Variants in PRKAG2 observed in about 807,000 individuals in gnomAD.
PRKAG2 encodes protein kinase AMP-activated non-catalytic subunit gamma 2, also known as 5'-AMP-activated protein kinase subunit gamma-2.
PRKAG2 carries 26 observed loss-of-function variants against 69.6 expected under a neutral mutation model. The observed-to-expected ratio is 0.37, with a 90% CI of 0.27 to 0.52. PRKAG2 has a LOEUF of 0.52. Among genes scored for constraint, PRKAG2 ranks in the 20% least tolerant of loss-of-function variants. The pLI is 0.90. For missense variants in PRKAG2, 557 were observed against 740.0 expected, an observed-to-expected ratio of 0.75 and a Z score of 2.87; for synonymous variants, 293 against 285.0, an observed-to-expected ratio of 1.03 and a Z score of -0.28.
intron 3 of PRKAG2, among the ~76,000 whole-genome samples, chr7:151,695,151 G>T (rs541812756): frequency 1.3e-5 from 2 of 152,328 alleles, no homozygotes; most frequent in East Asian, 3.9e-4. Flanking sequence ...AGGGGGGTTG[G>T]GGGTGTGTCT....
intron 4 of PRKAG2, among the ~76,000 whole-genome samples, chr7:151,635,516 A>T (rs1283128284): frequency 6.6e-6 from 1 of 152,222 alleles, no homozygotes; most frequent in African/African-American, 2.4e-5. Context: ...AGAAAAAGGA[A>T]GGAACTACTG....
chr7:151,795,872 T>TACAC (rs2077491676), intron 1 of PRKAG2, among the ~76,000 whole-genome samples: 1 of 114,628 alleles, frequency 8.7e-6, no homozygotes, highest in East Asian at 3.2e-4. Context: ...TATATATATA[T>TACAC]ATATATATAT....
chr7:151,712,452 C>T (rs565326578), intron 3 of PRKAG2, among the ~76,000 whole-genome samples: 1 of 152,340 alleles, frequency 6.6e-6, no homozygotes, highest in East Asian at 1.9e-4. Flanking sequence ...CAGGGACAGC[C>T]CTGCAGGGGC....
intron 4 of PRKAG2, among the ~76,000 whole-genome samples, chr7:151,672,083 CCA>C (rs1418804126): frequency 6.6e-6 from 1 of 150,744 alleles, no homozygotes; most frequent in Non-Finnish European, 1.5e-5. Flanking sequence ...CAGGCGTGAG[CCA>C]CCTCTCCCGG....
chr7:151,609,551 A>C (rs1473413138), intron 5 of PRKAG2, among the ~76,000 whole-genome samples: 1 of 152,202 alleles, frequency 6.6e-6, no homozygotes, highest in Non-Finnish European at 1.5e-5. Context: ...CAACTGCTAA[A>C]ATAATCCACT....
At chr7:151,702,123 G>T (rs574195547) in intron 3 of PRKAG2, among the ~76,000 whole-genome samples, 1 of 152,250 alleles carries the variant, frequency 6.6e-6, no homozygotes. Context: ...TACCAAGATG[G>T]ACAGCATGGA....
At chr7:151,604,006 G>C (rs1006992377) in intron 5 of PRKAG2, among the ~76,000 whole-genome samples, 21 of 152,168 alleles carry the variant, frequency 1.4e-4, no homozygotes, top group African/African-American at 5.1e-4. Flanking sequence ...CAGCCAGTCA[G>C]GCACCCACCT....
chr7:151,581,918 A>C (rs1373019580), intron 6 of PRKAG2, among the ~76,000 whole-genome samples: 1 of 152,228 alleles, frequency 6.6e-6, no homozygotes, highest in African/African-American at 2.4e-5. Flanking sequence ...CGGTGAGGCC[A>C]CTGTGAACAA....
chr7:151,858,934 GC>G (rs1220900175), intron 1 of PRKAG2, among the ~76,000 whole-genome samples: 1 of 152,160 alleles, frequency 6.6e-6, no homozygotes, highest in Non-Finnish European at 1.5e-5. Flanking sequence ...CCCCTAGGAG[GC>G]CCCTCTTCCT....
intron 7 of PRKAG2, 192 bp downstream of exon 7, chr7:151,576,179 G>A (rs1235757644): frequency 6.5e-6 from 4 of 616,250 alleles, no homozygotes; most frequent in African/African-American, 1.9e-5. Context: ...GGGCTCAAGC[G>A]ATCTCCCTGC....
In PRKAG2 at chr7:151,852,871, G is replaced by A. The variant is rs562976024; in HGVS notation, c.114+23636C>T. Among the ~76,000 whole-genome samples the A allele has an allele frequency of 1.5e-4, 23 of 152,288 alleles. No homozygotes were observed. In the South Asian group the frequency reaches 3.7e-3, roughly 25 times the overall value. On this transcript the variant is annotated intron_variant, in intron 1 of 15. Coordinates refer to ENST00000287878, the MANE Select transcript of PRKAG2 (RefSeq NM_016203.4). ...CTCTCTCCTATCTCACAGCCTGCAC[G>A]GCCCCATAAGGGGTCAGGAGGGAAG...
intron 1 of PRKAG2, among the ~76,000 whole-genome samples, chr7:151,849,377 G>A (rs1293077805): frequency 6.6e-6 from 1 of 152,222 alleles, no homozygotes; most frequent in African/African-American, 2.4e-5. Flanking sequence ...TGATGGTGGG[G>A]AAGTTCTTAG....
chr7:151,615,639 G>A (rs1819948079), intron 5 of PRKAG2, among the ~76,000 whole-genome samples: 1 of 152,054 alleles, frequency 6.6e-6, no homozygotes, highest in Admixed American at 6.6e-5. Context: ...CCTACAGAAT[G>A]GGAGAAAATA....
intron 4 of PRKAG2, among the ~76,000 whole-genome samples, chr7:151,643,528 C>T (rs1264725952): frequency 2.6e-5 from 4 of 152,216 alleles, no homozygotes; most frequent in Non-Finnish European, 5.9e-5. Flanking sequence ...TTGAGACAGA[C>T]TACTTCCACT....
intron 1 of PRKAG2, among the ~76,000 whole-genome samples, chr7:151,830,391 T>A (rs974670688): frequency 6.6e-6 from 1 of 151,836 alleles, no homozygotes; most frequent in African/African-American, 2.4e-5. Flanking sequence ...CGCCCTGAGA[T>A]GCAGGGAGCA....
chr7:151,670,495 T>G (rs1052011561), intron 4 of PRKAG2, among the ~76,000 whole-genome samples: 3 of 152,222 alleles, frequency 2.0e-5, no homozygotes, highest in African/African-American at 7.2e-5. Context: ...AGTTAGGGGA[T>G]CACCCTAAAA....
chr7:151,669,920 A>ACACACACCTGCATG (rs1554526942), intron 4 of PRKAG2, among the ~76,000 whole-genome samples: 1 of 150,398 alleles, frequency 6.6e-6, no homozygotes, highest in African/African-American at 2.5e-5. Context: ...ACCTGCATGC[A>ACACACACCTGCATG]CACACACCTG....
intron 3 of PRKAG2, among the ~76,000 whole-genome samples, chr7:151,762,774 G>T (rs2075494594): frequency 2.0e-5 from 3 of 152,144 alleles, no homozygotes; most frequent in South Asian, 4.1e-4. Flanking sequence ...AGGGGTGGGG[G>T]ACACAAGAGA....
Position 151,844,492 on chromosome 7 carries a change from G to A in PRKAG2, c.114+32015C>T, listed in dbSNP as rs941640572. 5.3e-5 allele frequency among the ~76,000 whole-genome samples: 8 copies of A among 152,186 alleles called. No homozygotes were observed. The East Asian group carries it at 1.5e-3, about 29-fold the overall frequency. On this transcript the variant is annotated intron_variant, in intron 1 of 15. Coordinates refer to ENST00000287878, the MANE Select transcript of PRKAG2 (RefSeq NM_016203.4). ...CACCTGGGTGAGCGTGTCCATCGGA[G>A]CAGTGGTTCTCAAATGAGAAGCCCT...
Sources: gnomAD v4.1 joint callset for allele counts (sites outside exome capture counted in the v4.1 genomes callset) on GRCh38, gnomAD v4.1.1 for gene constraint, MANE v1.5 for transcripts, NCBI Gene and HGNC (gene_info 2026-07-23, HGNC 2026-07-21) for gene names.